ASB15: variants seen among roughly 807,000 people sequenced by gnomAD.
ASB15 encodes ankyrin repeat and SOCS box protein 15.
ASB15 carries 54 observed loss-of-function variants against 58.0 expected under a neutral mutation model. That is an observed-to-expected ratio of 0.93 (90% CI 0.75 to 1.17). ASB15 has a LOEUF of 1.17. ASB15 is among the 50% of genes most tolerant of loss of function. ASB15 has a pLI of 0.00. For missense variants in ASB15, 680 were observed against 707.4 expected (o/e 0.96, Z 0.44); for synonymous variants, 249 against 262.4 (o/e 0.95, Z 0.50).
At chr7:123,574,497 A>G (rs1017066908) in intron 1 of ASB15, among the ~76,000 whole-genome samples, 13 of 152,186 alleles carry the variant, frequency 8.5e-5, no homozygotes, top group African/African-American at 3.1e-4. Context: ...TTCTCAGGTG[A>G]TGATAATGAT....
chr7:123,611,593 G>A (rs1800468576), intron 3 of ASB15, among the ~76,000 whole-genome samples: 1 of 152,156 alleles, frequency 6.6e-6, no homozygotes, highest in Non-Finnish European at 1.5e-5. Context: ...ACGGTGCCCG[G>A]CCAGTTACTC....
Position 123,638,207 on chromosome 7 carries a change from A to T in ASB15, c.*1226A>T, listed in dbSNP as rs1171629383. On this transcript the variant is annotated 3_prime_UTR_variant, in exon 12 of 12. Coordinates refer to ENST00000451215, the MANE Select transcript of ASB15 (RefSeq NM_001290258.2). ...AGCATCTCAGAAGAGTCTTTTACAA[A>T]TATAATAGAGTTTCACTTCTCTGCT... 1.3e-5 allele frequency: 2 copies of T among 152,220 alleles called. No homozygotes were observed. Among genetic ancestry groups the T allele is most frequent in the African/African-American group, 4.8e-5 (2 of 41,534 alleles). 9.4% of individuals were successfully genotyped at this position (152,220 alleles called of 1,614,324 possible). A position where few individuals can be genotyped will look rare whatever the true frequency, so the allele number is the denominator to read the frequency against.
chr7:123,570,543 C>T (rs889075392), intron 1 of ASB15, among the ~76,000 whole-genome samples: 10 of 152,142 alleles, frequency 6.6e-5, no homozygotes, highest in Non-Finnish European at 1.3e-4. Flanking sequence ...GCCAAACACA[C>T]TAAGAAACTG....
chr7:123,605,728 G>A (rs1019963285), intron 2 of ASB15, among the ~76,000 whole-genome samples: 1 of 152,080 alleles, frequency 6.6e-6, no homozygotes, highest in Non-Finnish European at 1.5e-5. Context: ...ATTATCCTAA[G>A]CAAATTAACA....
In ASB15 at chr7:123,636,802, C is replaced by A; in HGVS notation, c.1595-7C>A. The A allele has an allele frequency of 1.3e-6, 2 of 1,595,086 alleles. No homozygotes were observed. Among genetic ancestry groups the A allele is most frequent in the African/African-American group, 1.4e-5 (1 of 73,530 alleles). On this transcript the variant is annotated splice_polypyrimidine_tract_variant and splice_region_variant and intron_variant, in intron 11 of 11. Transcript: ENST00000451215. The stretch of plus-strand genomic sequence containing the variant: ...ATTTTTTTGCTTATTTTCCCGATTT[C>A]TTTTAGAGAATCCTTGTTCATTGAA...
intron 1 of ASB15, among the ~76,000 whole-genome samples, chr7:123,583,827 C>T (rs1799302873): frequency 6.6e-6 from 1 of 151,806 alleles, no homozygotes; most frequent in South Asian, 2.1e-4. Context: ...GGAAGTGTAG[C>T]CAGTTAGTGA....
chr7:123,608,104 CTTA>C (rs943756417), intron 2 of ASB15, among the ~76,000 whole-genome samples: 2 of 151,780 alleles, frequency 1.3e-5, no homozygotes, highest in African/African-American at 4.8e-5. Flanking sequence ...TTTTCTTGTT[CTTA>C]TTTTATTTTT....
Position 123,579,116 on chromosome 7 carries a change from C to T in ASB15, c.-443+12028C>T, listed in dbSNP as rs528770879. 1.4e-4 allele frequency among the ~76,000 whole-genome samples: 21 copies of T among 152,010 alleles called. No homozygotes were observed. The South Asian group carries it at 3.7e-3, about 27-fold the overall frequency. On this transcript the variant is annotated intron_variant, in intron 1 of 13. Transcript: ENST00000451558. ...TCTATTGTATCCATCTTTATGTCCACGTATATCATTGTTTAACTCCTACAA... is the reference window on the plus strand; with the variant it reads ...TCTATTGTATCCATCTTTATGTCCATGTATATCATTGTTTAACTCCTACAA...
At chr7:123,620,525 TATATATATATATATATATATATA>T (rs1801191768) in intron 7 of ASB15, among the ~76,000 whole-genome samples, 3 of 16,372 alleles carry the variant, frequency 1.8e-4, no homozygotes, top group Non-Finnish European at 3.0e-4. Flanking sequence ...TATATATATA[TATATATATATATATATATATATA>T]TATATATTTT....
At chr7:123,620,040 G>C (rs980577483) in intron 7 of ASB15, 37 of 152,154 alleles carry the variant, frequency 2.4e-4, no homozygotes, top group African/African-American at 8.5e-4. Flanking sequence ...GGGTTGTGAG[G>C]GTGGCTGTAT....
chr7:123,622,271 A>G (rs1801379504), intron 7 of ASB15, among the ~76,000 whole-genome samples: 1 of 152,058 alleles, frequency 6.6e-6, no homozygotes, highest in African/African-American at 2.4e-5. Context: ...AGTTCTAGAG[A>G]AAAAAATTTA....
intron 6 of ASB15, 88 bp downstream of exon 6, chr7:123,616,583 C>T: frequency 7.3e-7 from 1 of 1,361,064 alleles, no homozygotes; most frequent in South Asian, 1.4e-5. Context: ...ACATAACTAG[C>T]AGAAAGAAAA....
rs143332776 is a variant in ASB15 at position 123,629,502 on chromosome 7, G to T, written c.1440+68G>T. The T allele has an allele frequency of 1.4e-4, 187 of 1,333,868 alleles. No homozygotes were observed. The African/African-American group carries it at 2.2e-3, about 16-fold the overall frequency. 82.6% of individuals were successfully genotyped at this position (1,333,868 alleles called of 1,614,324 possible). A position where few individuals can be genotyped will look rare whatever the true frequency, so the allele number is the denominator to read the frequency against. On this transcript the variant is annotated intron_variant, in intron 10 of 11. Coordinates refer to ENST00000451215, the MANE Select transcript of ASB15 (RefSeq NM_001290258.2). ...ATTTAATACATGTTCATTCAATTAGGGATGTTACAAGAAAAGAAAAATAAA... is the reference window on the plus strand; with the variant it reads ...ATTTAATACATGTTCATTCAATTAGTGATGTTACAAGAAAAGAAAAATAAA...
intron 1 of ASB15, among the ~76,000 whole-genome samples, chr7:123,593,449 T>C (rs1799602530): frequency 6.6e-6 from 1 of 152,238 alleles, no homozygotes; most frequent in Non-Finnish European, 1.5e-5. Flanking sequence ...CTTCAGGAGC[T>C]CTTGTAAGGC....
At chr7:123,600,427 T>C (rs1400372655), upstream of ASB15, among the ~76,000 whole-genome samples, 1 of 152,196 alleles carries the variant, frequency 6.6e-6, no homozygotes, top group Non-Finnish European at 1.5e-5. Context: ...AGCCACACTT[T>C]AAAGTGTTAG....
chr7:123,602,373 A>T (rs186261054), intron 1 of ASB15, among the ~76,000 whole-genome samples: 2 of 152,272 alleles, frequency 1.3e-5, no homozygotes, highest in African/African-American at 2.4e-5. Flanking sequence ...AATTAGTTAG[A>T]TTTTTTAAAA....
Position 123,618,637 on chromosome 7 carries a change from G to A in ASB15, c.451+900G>A, listed in dbSNP as rs796337526. On this transcript the variant is annotated intron_variant, in intron 7 of 11. Coordinates refer to ENST00000451215, the MANE Select transcript of ASB15 (RefSeq NM_001290258.2). ...GACGGAAGAGGAGCAGGAGCAGGAG[G>A]AGAGGGAGGAAAGGATGTAAGATTA... 5.9e-5 allele frequency among the ~76,000 whole-genome samples: 9 copies of A among 152,220 alleles called. No individual in the cohort carries two copies. The South Asian group carries it at 1.7e-3, about 28-fold the overall frequency.
intron 1 of ASB15, among the ~76,000 whole-genome samples, chr7:123,603,066 A>G (rs1037921675): frequency 6.6e-6 from 1 of 152,212 alleles, no homozygotes; most frequent in Non-Finnish European, 1.5e-5. Context: ...GATATTAGTT[A>G]TAATAATTAT....
intron 7 of ASB15, among the ~76,000 whole-genome samples, chr7:123,622,137 C>A (rs910913394): frequency 6.6e-6 from 1 of 152,132 alleles, no homozygotes; most frequent in African/African-American, 2.4e-5. Flanking sequence ...TAATCTAATT[C>A]CCTAAACTCT....
Sources: allele counts gnomAD v4.1 joint callset (sites outside exome capture counted in the v4.1 genomes callset), GRCh38; gene constraint gnomAD v4.1.1; transcripts MANE v1.5; gene names NCBI Gene and HGNC (gene_info 2026-07-23, HGNC 2026-07-21).